ANK3: variants seen among roughly 807,000 people sequenced by gnomAD.
ANK3 encodes ankyrin 3, also known as ankyrin-3.
A neutral mutation model predicts 370.9 loss-of-function variants in ANK3; 57 were observed. The observed-to-expected ratio is 0.15, with a 90% confidence interval of 0.12 to 0.19. The LOEUF (loss-of-function observed/expected upper bound fraction) is 0.19. ANK3 is among the 10% of genes least tolerant of loss of function. ANK3 has a pLI of 1.00. For missense variants in ANK3, 4,439 were observed against 5,302.1 expected (o/e 0.84, Z 5.06); for synonymous variants, 1,929 against 1,946.3 (o/e 0.99, Z 0.23).
chr10:60,491,511 T>A (rs559601015), intron 2 of ANK3, among the ~76,000 whole-genome samples: 28 of 152,358 alleles, frequency 1.8e-4, no homozygotes, highest in African/African-American at 6.3e-4. Flanking sequence ...TCATTCTTTC[T>A]ATTCCTTTCT....
chr10:60,048,824 G>T (rs141104303), intron 42 of ANK3, among the ~76,000 whole-genome samples: 12 of 152,188 alleles, frequency 7.9e-5, no homozygotes, highest in Non-Finnish European at 1.5e-4. Context: ...CTGTCTGGCT[G>T]TGTGATTTTG....
chr10:60,731,663 A>G (rs2080023689), intron 1 of ANK3, among the ~76,000 whole-genome samples: 1 of 152,150 alleles, frequency 6.6e-6, no homozygotes, highest in African/African-American at 2.4e-5. Flanking sequence ...TCATTACAGA[A>G]ATTTGCTTCC....
chr10:60,560,444 A>G (rs915603496), intron 2 of ANK3, among the ~76,000 whole-genome samples: 7 of 152,152 alleles, frequency 4.6e-5, no homozygotes, highest in Non-Finnish European at 7.4e-5. Flanking sequence ...ATATGTGGCA[A>G]TTTTTTTAAA....
chr10:60,682,617 T>A (rs943728574), intron 1 of ANK3, among the ~76,000 whole-genome samples: 2 of 152,172 alleles, frequency 1.3e-5, no homozygotes, highest in Admixed American at 6.5e-5. Flanking sequence ...CTTAAGACCC[T>A]TCCTGGTTAG....
Position 60,230,640 on chromosome 10 carries a change from C to T in ANK3, c.897+4048G>A, listed in dbSNP as rs1158108443. On this transcript the variant is annotated intron_variant, in intron 8 of 43. Transcript: ENST00000280772. Reference sequence around the variant, plus strand: ...GTGCGGTGGCTCACGCCTGTAATCCCAGCACTTTGAGAGGCTGAGATGGGC... The same window carrying T: ...GTGCGGTGGCTCACGCCTGTAATCCTAGCACTTTGAGAGGCTGAGATGGGC... 2.6e-5 allele frequency among the ~76,000 whole-genome samples: 4 copies of T among 152,144 alleles called. No homozygotes were observed. The South Asian group carries it at 8.3e-4, about 32-fold the overall frequency.
intron 1 of ANK3, among the ~76,000 whole-genome samples, chr10:60,639,223 T>C (rs2078595994): frequency 6.6e-6 from 1 of 151,632 alleles, no homozygotes; most frequent in African/African-American, 2.4e-5. Flanking sequence ...AAATGTTAGC[T>C]TCAAAGTTCT....
intron 8 of ANK3, among the ~76,000 whole-genome samples, chr10:60,216,096 T>C (rs1394448998): frequency 6.6e-6 from 1 of 152,186 alleles, no homozygotes; most frequent in Non-Finnish European, 1.5e-5. Flanking sequence ...ACGTATTTTA[T>C]TCTCTTTGTA....
chr10:60,393,724 CTT>C (rs972061118), upstream of ANK3, among the ~76,000 whole-genome samples: 49 of 152,276 alleles, frequency 3.2e-4, 1 homozygote, highest in African/African-American at 1.1e-3. Context: ...ACTACTCTCT[CTT>C]GTCATTTCAT....
At chr10:60,428,381 G>C (rs2063936753) in intron 2 of ANK3, among the ~76,000 whole-genome samples, 1 of 152,188 alleles carries the variant, frequency 6.6e-6, no homozygotes, top group Non-Finnish European at 1.5e-5. Flanking sequence ...ACATGGTGCT[G>C]TGACTAGCTT....
At chr10:60,645,878 G>T (rs1334933266) in intron 1 of ANK3, among the ~76,000 whole-genome samples, 1 of 152,202 alleles carries the variant, frequency 6.6e-6, no homozygotes, top group Non-Finnish European at 1.5e-5. Flanking sequence ...GGTAGTAACA[G>T]TCTCCCTTCT....
At chr10:60,473,421 G>T (rs2065263622) in intron 2 of ANK3, among the ~76,000 whole-genome samples, 1 of 152,048 alleles carries the variant, frequency 6.6e-6, no homozygotes, top group Non-Finnish European at 1.5e-5. Flanking sequence ...AGTATTCTTT[G>T]TCTTAGGAAT....
intron 1 of ANK3, among the ~76,000 whole-genome samples, chr10:60,370,878 T>C (rs953176957): frequency 6.6e-6 from 1 of 152,128 alleles, no homozygotes; most frequent in East Asian, 1.9e-4. Context: ...TTTGCAAACA[T>C]ACTGTTAATA....
Position 60,688,423 on chromosome 10 carries a change from C to A in ANK3, c.57+44840G>T, listed in dbSNP as rs180975617. ...GTTACGTAAAATGAATAAGTTAGAT[C>A]TGCCATACATTGTACTTATAATCAA... is the stretch of plus-strand genomic sequence containing the variant. On this transcript the variant is annotated intron_variant, in intron 1 of 43. Transcript: ENST00000373827. 3.9e-5 allele frequency among the ~76,000 whole-genome samples: 6 copies of A among 152,246 alleles called. No homozygotes were observed. In the East Asian group the frequency reaches 1.2e-3, roughly 29 times the overall value.
chr10:60,708,525 C>T (rs1006537061), intron 1 of ANK3, among the ~76,000 whole-genome samples: 1 of 152,198 alleles, frequency 6.6e-6, no homozygotes, highest in African/African-American at 2.4e-5. Flanking sequence ...GAAAACCCCT[C>T]TCACGAGTCC....
chr10:60,447,648 A>C (rs1014635968), intron 2 of ANK3, among the ~76,000 whole-genome samples: 5 of 152,164 alleles, frequency 3.3e-5, no homozygotes, highest in African/African-American at 1.2e-4. Flanking sequence ...TTTCCTGCTG[A>C]ATGTCAAAAA....
intron 2 of ANK3, among the ~76,000 whole-genome samples, chr10:60,436,618 G>A (rs1024037920): frequency 6.6e-6 from 1 of 152,050 alleles, no homozygotes; most frequent in African/African-American, 2.4e-5. Context: ...GATAACTACC[G>A]ATTCAAATGC....
intron 7 of ANK3, among the ~76,000 whole-genome samples, chr10:60,240,279 CACAT>C (rs1470691070): frequency 3.6e-4 from 33 of 92,852 alleles, no homozygotes; most frequent in African/African-American, 1.3e-3. Context: ...TATACACACA[CACAT>C]ATATATATAT....
intron 2 of ANK3, among the ~76,000 whole-genome samples, chr10:60,502,285 C>T (rs1239245653): frequency 6.6e-6 from 1 of 152,130 alleles, no homozygotes; most frequent in African/African-American, 2.4e-5. Context: ...GGTAACATAT[C>T]ACACTAACAA....
chr10:60,701,841 A>C (rs2079549325), intron 1 of ANK3, among the ~76,000 whole-genome samples: 1 of 152,216 alleles, frequency 6.6e-6, no homozygotes, highest in South Asian at 2.1e-4. Flanking sequence ...TATTACGTTT[A>C]AAACTATGAA....
Sources: gnomAD v4.1 joint callset for allele counts (sites outside exome capture counted in the v4.1 genomes callset) on GRCh38, gnomAD v4.1.1 for gene constraint, MANE v1.5 for transcripts, NCBI Gene and HGNC (gene_info 2026-07-23, HGNC 2026-07-21) for gene names.